The following DPYD variants were observed in gnomAD, a reference collection of about 807,000 sequenced individuals.
DPYD encodes the protein dihydropyrimidine dehydrogenase [NADP(+)].
DPYD carries 109 observed loss-of-function variants against 116.2 expected under a neutral mutation model. That is an observed-to-expected ratio of 0.94 (90% CI 0.80 to 1.10). The LOEUF (loss-of-function observed/expected upper bound fraction) is 1.10, where lower values mean the gene tolerates loss of function less well. DPYD is among the 50% of genes least tolerant of loss of function. The probability of loss-of-function intolerance (pLI) is 0.00; values close to 1 mark genes in which losing one functional copy is unlikely to be tolerated. For synonymous variants in DPYD, 440 were observed against 432.0 expected, an observed-to-expected ratio of 1.02 and a Z score of -0.23; for missense variants, 1,302 against 1,254.5, an observed-to-expected ratio of 1.04 and a Z score of -0.57.
chr1:97,203,667 C>G (rs1386856003), intron 19 of DPYD, among the ~76,000 whole-genome samples: 3 of 54,644 alleles, frequency 5.5e-5, no homozygotes, highest in Non-Finnish European at 1.1e-4. Context: ...TTCAGACCCC[C>G]CCCCCCCAAA....
chr1:97,113,168 T>C (rs1297945809), intron 20 of DPYD, among the ~76,000 whole-genome samples: 1 of 152,146 alleles, frequency 6.6e-6, no homozygotes, highest in African/African-American at 2.4e-5. Flanking sequence ...ATACAATGCA[T>C]ATCCATAATA....
At chr1:97,206,644 A>ATATG (rs1477222538) in intron 19 of DPYD, among the ~76,000 whole-genome samples, 2 of 31,766 alleles carry the variant, frequency 6.3e-5, no homozygotes, top group East Asian at 0.011. Flanking sequence ...GATTTTATAT[A>ATATG]TATATATATA....
At chr1:97,385,809 A>C (rs890661867) in intron 14 of DPYD, among the ~76,000 whole-genome samples, 2 of 152,142 alleles carry the variant, frequency 1.3e-5, no homozygotes, top group Non-Finnish European at 2.9e-5. Context: ...GTAGGATAAG[A>C]TATATCCTCT....
chr1:97,259,268 A>T (rs536396789), intron 18 of DPYD, among the ~76,000 whole-genome samples: 5 of 152,252 alleles, frequency 3.3e-5, no homozygotes, highest in Admixed American at 1.3e-4. Context: ...GTTTGCTAAA[A>T]TGTTATTCAA....
At chr1:97,809,130 G>A (rs1305486856) in intron 3 of DPYD, among the ~76,000 whole-genome samples, 1 of 152,146 alleles carries the variant, frequency 6.6e-6, no homozygotes, top group East Asian at 1.9e-4. Context: ...GTTTTGAACA[G>A]AAGAGAAATA....
intron 7 of DPYD, 44 bp from the exon 8 acceptor site, chr1:97,679,226 T>A: frequency 9.4e-7 from 1 of 1,061,404 alleles, no homozygotes; most frequent in Non-Finnish European, 1.4e-6. Flanking sequence ...GGCATATGAT[T>A]AATTAAAATC....
At chr1:97,577,407 T>C (rs913298213) in intron 10 of DPYD, among the ~76,000 whole-genome samples, 2 of 152,204 alleles carry the variant, frequency 1.3e-5, no homozygotes, top group African/African-American at 4.8e-5. Flanking sequence ...CAGTCAATGC[T>C]TGACGTCCTG....
At chr1:97,627,013 C>A (rs1384685906) in intron 8 of DPYD, among the ~76,000 whole-genome samples, 1 of 151,994 alleles carries the variant, frequency 6.6e-6, no homozygotes, top group Admixed American at 6.6e-5. Context: ...AATCTCAGAT[C>A]AGTGTGTCAG....
At chr1:97,600,978 T>C (rs374064215) in intron 8 of DPYD, among the ~76,000 whole-genome samples, 1 of 152,092 alleles carries the variant, frequency 6.6e-6, no homozygotes, top group Admixed American at 6.6e-5. Context: ...CAGCTACATG[T>C]GCATCAAAAC....
chr1:97,291,056 C>A (rs958839043), intron 18 of DPYD, among the ~76,000 whole-genome samples: 1 of 152,208 alleles, frequency 6.6e-6, no homozygotes, highest in Non-Finnish European at 1.5e-5. Context: ...CAAAAGAAGA[C>A]ATTTATGCAG....
In DPYD at chr1:97,515,795, T is replaced by A; in HGVS notation, c.1671A>T (p.Thr557=). The change falls in exon 13 of 23, where the codon ACA becomes ACT. Residue 557 remains threonine (T), a synonymous_variant. Coordinates refer to ENST00000370192, the MANE Select transcript of DPYD (RefSeq NM_000110.4). ...CTTCAAAAGCTCTTCGAATCATTGATGTGCTGGTGGCTGGAGTTGCGCTAG... is the reference window on the plus strand; with the variant it reads ...CTTCAAAAGCTCTTCGAATCATTGAAGTGCTGGTGGCTGGAGTTGCGCTAG... ...GLASATPATS[T]SMIRRAFEAG... is the part of the protein sequence containing the mutation. The A allele has an allele frequency of 2.5e-6, 4 of 1,613,016 alleles. No individual in the cohort carries two copies. The highest frequency in any genetic ancestry group is 3.4e-6 in the Non-Finnish European group (4 of 1,179,292).
intron 3 of DPYD, among the ~76,000 whole-genome samples, chr1:97,769,535 C>T (rs1261155118): frequency 6.6e-6 from 1 of 152,096 alleles, no homozygotes; most frequent in Non-Finnish European, 1.5e-5. Flanking sequence ...AGTTTCGTTT[C>T]ACTCTAAACA....
chr1:97,154,915 T>C (rs1438088499), intron 20 of DPYD, among the ~76,000 whole-genome samples: 1 of 151,946 alleles, frequency 6.6e-6, no homozygotes, highest in Non-Finnish European at 1.5e-5. Context: ...AAATAAAAAA[T>C]AAATTAAAAA....
chr1:97,423,432 A>G (rs1363820281), intron 14 of DPYD, among the ~76,000 whole-genome samples: 1 of 152,048 alleles, frequency 6.6e-6, no homozygotes, highest in African/African-American at 2.4e-5. Context: ...TTCAGACCTG[A>G]TATTATCCTA....
At chr1:97,173,720 G>A (rs1570603170) in intron 20 of DPYD, among the ~76,000 whole-genome samples, 2 of 149,592 alleles carry the variant, frequency 1.3e-5, no homozygotes, top group South Asian at 4.3e-4. Context: ...TCTGAGGCAG[G>A]GATATGTAAA....
intron 16 of DPYD, among the ~76,000 whole-genome samples, chr1:97,321,118 A>T (rs1217174879): frequency 3.0e-5 from 3 of 99,200 alleles, no homozygotes; most frequent in African/African-American, 7.7e-5. Context: ...TTAGACCTAA[A>T]ACCATAAAAA....
At chr1:97,160,714 C>G (rs1395765548) in intron 20 of DPYD, among the ~76,000 whole-genome samples, 1 of 152,088 alleles carries the variant, frequency 6.6e-6, no homozygotes, top group Non-Finnish European at 1.5e-5. Flanking sequence ...CAGTGGGGAG[C>G]AGAAAGTGTA....
intron 8 of DPYD, among the ~76,000 whole-genome samples, chr1:97,642,532 T>C (rs202101236): frequency 5.3e-5 from 8 of 152,186 alleles, no homozygotes; most frequent in East Asian, 1.9e-4. Context: ...GAAAACTGGC[T>C]AGCCATATGC....
intron 18 of DPYD, among the ~76,000 whole-genome samples, chr1:97,293,238 G>A (rs1468771862): frequency 6.6e-6 from 1 of 152,052 alleles, no homozygotes; most frequent in Non-Finnish European, 1.5e-5. Flanking sequence ...TTTTTGTCAA[G>A]TACAAAAGTG....
Sources: gnomAD v4.1 joint callset for allele counts (sites outside exome capture counted in the v4.1 genomes callset) on GRCh38, gnomAD v4.1.1 for gene constraint, MANE v1.5 for transcripts, NCBI Gene and HGNC (gene_info 2026-07-23, HGNC 2026-07-21) for gene names.